Variants in GRID2 observed in about 807,000 individuals in gnomAD.
GRID2 encodes glutamate receptor ionotropic, delta-2.
In GRID2, 33 loss-of-function variants were observed where a neutral mutation model predicts 114.8. That is an observed-to-expected ratio of 0.29 (90% CI 0.22 to 0.38). GRID2 has a LOEUF of 0.38. Among genes scored for constraint, GRID2 ranks in the 10% least tolerant of loss-of-function variants. The pLI, the probability that GRID2 is intolerant of heterozygous loss-of-function variation, is 1.00. For missense variants in GRID2, 1,184 were observed against 1,257.7 expected (o/e 0.94, Z 0.89); for synonymous variants, 505 against 449.9 (o/e 1.12, Z -1.55).
intron 2 of GRID2, among the ~76,000 whole-genome samples, chr4:92,772,964 T>A (rs948615134): frequency 6.6e-6 from 1 of 152,228 alleles, no homozygotes; most frequent in African/African-American, 2.4e-5. Flanking sequence ...CTGGATATTT[T>A]ACATGCTCTG....
chr4:92,932,565 G>T (rs1418584945), intron 2 of GRID2, among the ~76,000 whole-genome samples: 2 of 151,146 alleles, frequency 1.3e-5, no homozygotes, highest in Middle Eastern at 3.2e-3. Context: ...CCAGATATTT[G>T]CCCAAGAGAA....
At chr4:92,832,082 ATAAG>A (rs1234162415) in intron 2 of GRID2, among the ~76,000 whole-genome samples, 9 of 152,094 alleles carry the variant, frequency 5.9e-5, no homozygotes, top group Non-Finnish European at 1.2e-4. Context: ...GATATATAAA[ATAAG>A]TAAGGTATTA....
intron 1 of GRID2, among the ~76,000 whole-genome samples, chr4:92,386,772 T>C (rs1043206846): frequency 2.0e-5 from 3 of 151,836 alleles, no homozygotes; most frequent in Non-Finnish European, 4.4e-5. Flanking sequence ...TATTGAGTAA[T>C]TTGCAATTAA....
chr4:93,324,449 T>G (rs1338679042), intron 8 of GRID2, among the ~76,000 whole-genome samples: 1 of 152,198 alleles, frequency 6.6e-6, no homozygotes, highest in African/African-American at 2.4e-5. Context: ...AGTATTTTAT[T>G]GAGGATTTTC....
intron 2 of GRID2, among the ~76,000 whole-genome samples, chr4:92,659,400 A>G (rs1400998248): frequency 6.6e-6 from 1 of 151,490 alleles, no homozygotes; most frequent in Non-Finnish European, 1.5e-5. Context: ...TGTAGTAGCA[A>G]TTACATCACT....
chr4:93,752,982 A>G (rs1164467299), intron 14 of GRID2, among the ~76,000 whole-genome samples: 1 of 152,152 alleles, frequency 6.6e-6, no homozygotes, highest in Non-Finnish European at 1.5e-5. Context: ...CATAAGTGGA[A>G]GTGATAAGAA....
intron 2 of GRID2, among the ~76,000 whole-genome samples, chr4:92,930,295 T>G (rs1750128032): frequency 6.6e-6 from 1 of 151,324 alleles, no homozygotes; most frequent in African/African-American, 2.4e-5. Context: ...TCTGTGTGAT[T>G]AGGCATCTGC....
intron 1 of GRID2, among the ~76,000 whole-genome samples, chr4:92,332,909 A>G (rs989388603): frequency 6.6e-5 from 10 of 152,138 alleles, no homozygotes; most frequent in African/African-American, 2.2e-4. Context: ...TCCTGTTTCT[A>G]TTGCTGTCCT....
rs56738067 is a variant in GRID2, at chr4:93,185,083, T to C, written c.736-22321T>C. 5.0e-3 allele frequency among the ~76,000 whole-genome samples: 763 copies of C among 152,298 alleles called. 6 individuals are homozygous for C. Among genetic ancestry groups the C allele is most frequent in the African/African-American group, 0.018 (733 of 41,556 alleles). On this transcript the variant is annotated intron_variant, in intron 4 of 15. Coordinates refer to ENST00000282020, the MANE Select transcript of GRID2 (RefSeq NM_001510.4). The stretch of plus-strand genomic sequence containing the variant: ...TTAAGAAAATATTTTTAGATAGTTA[T>C]GGTAGGTAAAGTATGTCTGAAGAAA...
Position 93,772,665 on chromosome 4 carries a change from G to A in GRID2, c.*167G>A. ...CTTCTCCCTCTCCTCTCTCCTCTAT[G>A]ATTTTCTCTCTTTCCCCCTCCCTTC... On this transcript the variant is annotated 3_prime_UTR_variant, in exon 16 of 16. Coordinates refer to ENST00000282020, the MANE Select transcript of GRID2 (RefSeq NM_001510.4). The A allele has an allele frequency of 1.8e-6, 1 of 547,672 alleles. No individual in the cohort carries two copies. The highest frequency in any genetic ancestry group is 3.2e-6 in the Non-Finnish European group (1 of 315,470). The allele number at this position is 547,672 out of a possible 1,614,324, so 33.9% of individuals were successfully genotyped here. A position where few individuals can be genotyped will look rare whatever the true frequency, so the allele number is the denominator to read the frequency against.
intron 2 of GRID2, among the ~76,000 whole-genome samples, chr4:92,806,605 T>G (rs1435398806): frequency 1.3e-5 from 2 of 151,902 alleles, no homozygotes; most frequent in African/African-American, 4.8e-5. Flanking sequence ...GGACCTAAGA[T>G]ATATAAGAGC....
At chr4:93,554,369 G>A (rs1267110530) in intron 13 of GRID2, among the ~76,000 whole-genome samples, 1 of 151,906 alleles carries the variant, frequency 6.6e-6, no homozygotes, top group Non-Finnish European at 1.5e-5. Context: ...GTAGAAGCTT[G>A]AATCTTCTTT....
intron 1 of GRID2, among the ~76,000 whole-genome samples, chr4:92,540,359 A>T (rs1345382894): frequency 6.6e-6 from 1 of 152,210 alleles, no homozygotes. Flanking sequence ...GTGAACAGGC[A>T]ACCTACAGAT....
At chr4:92,510,767 G>A (rs1359933183) in intron 1 of GRID2, among the ~76,000 whole-genome samples, 4 of 151,162 alleles carry the variant, frequency 2.6e-5, no homozygotes, top group Admixed American at 1.3e-4. Flanking sequence ...ATGGATACCC[G>A]GATTACCCTG....
At chr4:92,634,135 A>G (rs1327670129) in intron 2 of GRID2, among the ~76,000 whole-genome samples, 1 of 151,998 alleles carries the variant, frequency 6.6e-6, no homozygotes, top group Non-Finnish European at 1.5e-5. Context: ...ACAACAAAAA[A>G]CAAAACTCAT....
chr4:92,503,155 A>G (rs1435331540), intron 1 of GRID2, among the ~76,000 whole-genome samples: 1 of 152,158 alleles, frequency 6.6e-6, no homozygotes, highest in Non-Finnish European at 1.5e-5. Context: ...TGTACATGCT[A>G]TATAGTATGT....
At chr4:93,353,464 C>T (rs562447960) in intron 8 of GRID2, among the ~76,000 whole-genome samples, 2 of 151,944 alleles carry the variant, frequency 1.3e-5, no homozygotes, top group East Asian at 1.9e-4. Context: ...GAAAATGCCA[C>T]AAAAGAAAAG....
intron 10 of GRID2, among the ~76,000 whole-genome samples, chr4:93,447,620 T>C (rs998760243): frequency 4.6e-5 from 7 of 151,846 alleles, no homozygotes; most frequent in Non-Finnish European, 1.0e-4. Context: ...CAAGAAGAAA[T>C]AGAAGACAAT....
chr4:92,727,290 CAG>C (rs1338662418), intron 2 of GRID2, among the ~76,000 whole-genome samples: 8 of 151,946 alleles, frequency 5.3e-5, no homozygotes, highest in African/African-American at 1.7e-4. Flanking sequence ...TCTTTGCTAA[CAG>C]AATAAATCTC....
Sources: gnomAD v4.1 joint callset for allele counts (sites outside exome capture counted in the v4.1 genomes callset) on GRCh38, gnomAD v4.1.1 for gene constraint, MANE v1.5 for transcripts, NCBI Gene and HGNC (gene_info 2026-07-23, HGNC 2026-07-21) for gene names.